TECRL: variants seen among roughly 807,000 people sequenced by gnomAD.
TECRL encodes trans-2,3-enoyl-CoA reductase like, also known as trans-2,3-enoyl-CoA reductase-like.
In TECRL, 63 loss-of-function variants were observed where a neutral mutation model predicts 52.8. The observed-to-expected ratio is 1.19, with a 90% CI of 0.97 to 1.47. TECRL has a LOEUF of 1.47. TECRL is among the 40% of genes most tolerant of loss of function. The pLI is 0.00. For missense variants in TECRL, 482 were observed against 429.6 expected, an observed-to-expected ratio of 1.12 and a Z score of -1.08; for synonymous variants, 164 against 141.9, an observed-to-expected ratio of 1.16 and a Z score of -1.10.
chr4:64,298,724 C>T (rs530495147), intron 8 of TECRL: 7 of 150,966 alleles, frequency 4.6e-5, no homozygotes, highest in Non-Finnish European at 7.4e-5. Context: ...AAGTGGACAA[C>T]ATCATAAGGA....
rs1723395658 is a variant in TECRL at position 64,389,343 on chromosome 4, C to G, written c.235-14120G>C. ...ATTATGGAGGAGTGTTGGATTTTGT[C>G]AAATGATTTCTCTGTATCTGCTGAT... is the stretch of plus-strand genomic sequence containing the variant. On this transcript the variant is annotated intron_variant, in intron 1 of 11. Coordinates refer to ENST00000381210, the MANE Select transcript of TECRL (RefSeq NM_001010874.5). Among the ~76,000 whole-genome samples, 3 of 151,836 alleles carry G rather than the reference C, an allele frequency of 2.0e-5. No individual in the cohort carries two copies. The South Asian group carries it at 6.2e-4, about 31-fold the overall frequency.
At chr4:64,318,694 T>G (rs1475108206) in intron 4 of TECRL, among the ~76,000 whole-genome samples, 1 of 151,886 alleles carries the variant, frequency 6.6e-6, no homozygotes, top group East Asian at 1.9e-4. Flanking sequence ...AAAAGAGAAC[T>G]GCCAACATAA....
intron 1 of TECRL, among the ~76,000 whole-genome samples, chr4:64,397,202 A>AC (rs1724017405): frequency 6.6e-6 from 1 of 152,098 alleles, no homozygotes; most frequent in Admixed American, 6.6e-5. Flanking sequence ...TTCATTATAT[A>AC]CCCAAACAGT....
chr4:64,291,575 G>T (rs968666942), intron 8 of TECRL, among the ~76,000 whole-genome samples: 4 of 151,830 alleles, frequency 2.6e-5, no homozygotes, highest in African/African-American at 4.8e-5. Flanking sequence ...AAACGTATTT[G>T]TTTTGAGATT....
intron 1 of TECRL, among the ~76,000 whole-genome samples, chr4:64,380,747 T>C: frequency 6.6e-6 from 1 of 152,104 alleles, no homozygotes; most frequent in East Asian, 1.9e-4. Flanking sequence ...CTATGTTCCA[T>C]AGGTCTATTT....
intron 11 of TECRL, among the ~76,000 whole-genome samples, chr4:64,280,554 G>A (rs903245535): frequency 1.7e-4 from 26 of 152,000 alleles, no homozygotes; most frequent in Non-Finnish European, 3.5e-4. Context: ...CACATTAATT[G>A]TGATTCAAAA....
intron 7 of TECRL, among the ~76,000 whole-genome samples, chr4:64,302,314 A>G (rs1426076844): frequency 2.0e-5 from 3 of 151,476 alleles, no homozygotes; most frequent in Non-Finnish European, 4.4e-5. Flanking sequence ...GATTGTGGTG[A>G]AAATTGTGAT....
chr4:64,300,227 T>G (rs2109974272), intron 7 of TECRL, among the ~76,000 whole-genome samples: 1 of 150,798 alleles, frequency 6.6e-6, no homozygotes, highest in African/African-American at 2.4e-5. Flanking sequence ...TAATGATATT[T>G]AAATTACAAA....
At chr4:64,333,130 T>C (rs1183455016) in intron 2 of TECRL, among the ~76,000 whole-genome samples, 1 of 152,002 alleles carries the variant, frequency 6.6e-6, no homozygotes, top group African/African-American at 2.4e-5. Flanking sequence ...TGTAAGTATA[T>C]AATTGCTAAA....
At chr4:64,305,060 A>G (rs185455647) in intron 7 of TECRL, 106 bp downstream of exon 7, 47 of 782,298 alleles carry the variant, frequency 6.0e-5, no homozygotes, top group African/African-American at 4.5e-4. Flanking sequence ...AGCAATTTAA[A>G]ATGAATTGTT....
At chr4:64,364,266 G>C (rs922206533) in intron 2 of TECRL, among the ~76,000 whole-genome samples, 2 of 152,008 alleles carry the variant, frequency 1.3e-5, no homozygotes, top group South Asian at 2.1e-4. Flanking sequence ...CTAAAGCAGT[G>C]TTAACAGGAA....
At chr4:64,347,444 C>T (rs1034805518) in intron 2 of TECRL, among the ~76,000 whole-genome samples, 2 of 152,154 alleles carry the variant, frequency 1.3e-5, no homozygotes, top group African/African-American at 2.4e-5. Context: ...TCCTTTATAA[C>T]TTCCTGTATT....
At chr4:64,335,256 C>A (rs1718973830) in intron 2 of TECRL, among the ~76,000 whole-genome samples, 1 of 152,110 alleles carries the variant, frequency 6.6e-6, no homozygotes, top group East Asian at 1.9e-4. Flanking sequence ...GGCTCCTTGT[C>A]AGATAAGTGG....
At chr4:64,342,482 C>A (rs1719654720) in intron 2 of TECRL, among the ~76,000 whole-genome samples, 2 of 150,600 alleles carry the variant, frequency 1.3e-5, no homozygotes, top group Admixed American at 1.3e-4. Flanking sequence ...TTTATATATA[C>A]CATGATTTTA....
At position 64,304,175 on chromosome 4, in the gene TECRL, G is replaced by C. The variant is rs568033335; in HGVS notation, c.730+991C>G. Among the ~76,000 whole-genome samples the C allele has an allele frequency of 1.8e-3, 267 of 151,860 alleles. 2 individuals are homozygous for C. Among genetic ancestry groups the C allele is most frequent in the African/African-American group, 6.2e-3 (259 of 41,514 alleles). On this transcript the variant is annotated intron_variant, in intron 7 of 11. Transcript: ENST00000381210. ...AAGTGTATCTTATTAACATAGTCTG[G>C]AGCAATACTTCTATGTGCTAACGTT...
rs567608394 is a variant in TECRL at position 64,307,812 on chromosome 4, A to G, written c.657+2014T>C. The stretch of plus-strand genomic sequence containing the variant: ...AGAAACAAGCAGCATTGCAAGCAGT[A>G]AAGAAATTTGGATATGAGCTTCATA... On this transcript the variant is annotated intron_variant, in intron 6 of 11. Coordinates refer to ENST00000381210, the MANE Select transcript of TECRL (RefSeq NM_001010874.5). Among the ~76,000 whole-genome samples, 76 of 152,328 alleles carry G rather than the reference A, an allele frequency of 5.0e-4. No individual in the cohort carries two copies. The South Asian group carries it at 0.016, about 32-fold the overall frequency.
intron 8 of TECRL, among the ~76,000 whole-genome samples, chr4:64,292,363 A>T (rs1050469210): frequency 4.6e-5 from 7 of 152,014 alleles, no homozygotes; most frequent in Admixed American, 2.0e-4. Flanking sequence ...ATTATCTTAC[A>T]TAATAAAACA....
chr4:64,279,943 T>A lies in TECRL; in HGVS notation c.*129A>T. 1 of 1,257,912 alleles carries A rather than the reference T, an allele frequency of 7.9e-7. No individual in the cohort carries two copies. Among genetic ancestry groups the A allele is most frequent in the Non-Finnish European group, 1.0e-6 (1 of 993,296 alleles). The allele number at this position is 1,257,912 out of a possible 1,614,324, so 77.9% of individuals were successfully genotyped here. On this transcript the variant is annotated 3_prime_UTR_variant, in exon 12 of 12. Coordinates refer to ENST00000381210, the MANE Select transcript of TECRL (RefSeq NM_001010874.5). ...CTAAATTTAGTGAAATTTTACTATTTTATATTTTTACTCAGTGTATATACT... is the reference window on the plus strand; with the variant it reads ...CTAAATTTAGTGAAATTTTACTATTATATATTTTTACTCAGTGTATATACT...
intron 8 of TECRL, among the ~76,000 whole-genome samples, chr4:64,294,282 C>T (rs1723558483): frequency 6.6e-6 from 1 of 151,948 alleles, no homozygotes; most frequent in Non-Finnish European, 1.5e-5. Flanking sequence ...CCACAGCGCC[C>T]AGCCGGCAGG....
Sources: gnomAD v4.1 joint callset for allele counts (sites outside exome capture counted in the v4.1 genomes callset) on GRCh38, gnomAD v4.1.1 for gene constraint, MANE v1.5 for transcripts, NCBI Gene and HGNC (gene_info 2026-07-23, HGNC 2026-07-21) for gene names.